PTPRD: variants seen among roughly 807,000 people sequenced by gnomAD.
PTPRD encodes the protein receptor-type tyrosine-protein phosphatase delta.
PTPRD carries 34 observed loss-of-function variants against 214.5 expected under a neutral mutation model. That is an observed-to-expected ratio of 0.16 (90% CI 0.12 to 0.21). The LOEUF (loss-of-function observed/expected upper bound fraction) is 0.21, where lower values mean the gene tolerates loss of function less well. PTPRD is among the 10% of genes least tolerant of loss of function. The probability of loss-of-function intolerance (pLI) is 1.00; values close to 1 mark genes in which losing one functional copy is unlikely to be tolerated. For missense variants in PTPRD, 2,545 were observed against 2,398.7 expected (o/e 1.06, Z -1.27); for synonymous variants, 1,128 against 845.7 (o/e 1.33, Z -5.79).
intron 3 of PTPRD, among the ~76,000 whole-genome samples, chr9:10,053,540 A>T (rs1183888513): frequency 6.6e-6 from 1 of 152,146 alleles, no homozygotes; most frequent in African/African-American, 2.4e-5. Context: ...ATATTCCTAT[A>T]CCTACTATAG....
At chr9:9,845,789 T>C (rs1029205385) in intron 5 of PTPRD, among the ~76,000 whole-genome samples, 1 of 152,042 alleles carries the variant, frequency 6.6e-6, no homozygotes, top group Admixed American at 6.6e-5. Context: ...ATAATGTTAA[T>C]TTTATGGACT....
chr9:8,895,335 A>G (rs1163250824), intron 11 of PTPRD, among the ~76,000 whole-genome samples: 2 of 152,186 alleles, frequency 1.3e-5, no homozygotes, highest in African/African-American at 4.8e-5. Flanking sequence ...TGCCAAAATA[A>G]AAACATAAGT....
At chr9:9,141,369 T>C (rs1436578568) in intron 10 of PTPRD, among the ~76,000 whole-genome samples, 1 of 152,072 alleles carries the variant, frequency 6.6e-6, no homozygotes, top group African/African-American at 2.4e-5. Context: ...GAAAGGTTTC[T>C]TGTTTTAATG....
At chr9:8,641,269 T>C (rs1595882825) in intron 12 of PTPRD, among the ~76,000 whole-genome samples, 1 of 148,170 alleles carries the variant, frequency 6.7e-6, no homozygotes, top group East Asian at 1.9e-4. Context: ...TCCGTTTTTA[T>C]CCCATGAGAT....
At chr9:9,770,566 T>A (rs2098744146) in intron 5 of PTPRD, among the ~76,000 whole-genome samples, 1 of 152,146 alleles carries the variant, frequency 6.6e-6, no homozygotes, top group Non-Finnish European at 1.5e-5. Context: ...AAAGTGAAAT[T>A]TTCCACTATT....
chr9:9,405,224 C>T (rs2072798810), intron 8 of PTPRD, among the ~76,000 whole-genome samples: 1 of 152,124 alleles, frequency 6.6e-6, no homozygotes, highest in African/African-American at 2.4e-5. Context: ...GCAGATACAA[C>T]AAATTTACAA....
intron 4 of PTPRD, among the ~76,000 whole-genome samples, chr9:9,952,746 A>G (rs1294285672): frequency 2.0e-5 from 3 of 152,126 alleles, no homozygotes; most frequent in African/African-American, 7.2e-5. Context: ...CTAGGGTTTA[A>G]ACACTGAAGA....
chr9:9,684,032 C>A (rs2097124509), intron 7 of PTPRD, among the ~76,000 whole-genome samples: 1 of 151,510 alleles, frequency 6.6e-6, no homozygotes, highest in Admixed American at 6.6e-5. Flanking sequence ...ATTATGTAGA[C>A]CTCTAGGGAA....
chr9:10,271,506 T>TAACC (rs1845642762), intron 3 of PTPRD, among the ~76,000 whole-genome samples: 1 of 151,108 alleles, frequency 6.6e-6, no homozygotes, highest in African/African-American at 2.4e-5. Context: ...TAAGCATCAC[T>TAACC]AACCAATACT....
At chr9:9,852,373 C>G (rs1294225933) in intron 5 of PTPRD, among the ~76,000 whole-genome samples, 1 of 151,376 alleles carries the variant, frequency 6.6e-6, no homozygotes, top group Non-Finnish European at 1.5e-5. Flanking sequence ...CGAAAGCTAC[C>G]CAGACATAAA....
intron 9 of PTPRD, among the ~76,000 whole-genome samples, chr9:9,291,629 T>C (rs1374776706): frequency 2.0e-5 from 3 of 151,360 alleles, no homozygotes; most frequent in African/African-American, 7.3e-5. Context: ...ATAAAGTTTA[T>C]ATTGCTTATG....
intron 39 of PTPRD, among the ~76,000 whole-genome samples, chr9:8,347,977 G>A (rs779561239): frequency 2.0e-5 from 3 of 152,210 alleles, no homozygotes; most frequent in East Asian, 1.9e-4. Flanking sequence ...GCAGACTAAC[G>A]CAATACCTAA....
chr9:10,085,002 G>T (rs2098310029), intron 3 of PTPRD, among the ~76,000 whole-genome samples: 1 of 152,022 alleles, frequency 6.6e-6, no homozygotes. Flanking sequence ...GTAGTCCAGA[G>T]AAATAAATAT....
chr9:8,462,162 T>C (rs2096429685), intron 32 of PTPRD, among the ~76,000 whole-genome samples: 1 of 151,996 alleles, frequency 6.6e-6, no homozygotes, highest in South Asian at 2.1e-4. Context: ...ATGAGTTTCT[T>C]AATTTTTCCC....
intron 12 of PTPRD, among the ~76,000 whole-genome samples, chr9:8,704,966 A>G (rs567331948): frequency 3.0e-4 from 45 of 152,110 alleles, no homozygotes; most frequent in South Asian, 1.5e-3. Flanking sequence ...AGAAAGTTCA[A>G]TGGCTCTCAA....
chr9:10,141,418 T>C (rs1489998887), intron 3 of PTPRD, among the ~76,000 whole-genome samples: 1 of 151,972 alleles, frequency 6.6e-6, no homozygotes, highest in Non-Finnish European at 1.5e-5. Context: ...GGATACAAAA[T>C]CAATGTACAA....
At chr9:9,128,424 C>A (rs1016099697) in intron 10 of PTPRD, among the ~76,000 whole-genome samples, 1 of 152,088 alleles carries the variant, frequency 6.6e-6, no homozygotes, top group Non-Finnish European at 1.5e-5. Flanking sequence ...TATGTCAAAA[C>A]CTACATTCTA....
intron 33 of PTPRD, among the ~76,000 whole-genome samples, chr9:8,457,057 T>G (rs2096234297): frequency 2.0e-5 from 3 of 152,346 alleles, no homozygotes; most frequent in South Asian, 2.1e-4. Flanking sequence ...AATTTTTTGT[T>G]GGAGTAGATG....
chr9:10,279,630 T>G, intron 3 of PTPRD, among the ~76,000 whole-genome samples: 1 of 152,016 alleles, frequency 6.6e-6, no homozygotes, highest in Admixed American at 6.6e-5. Flanking sequence ...CTTCATTATG[T>G]GTTCAAAACT....
Sources: allele counts gnomAD v4.1 joint callset (sites outside exome capture counted in the v4.1 genomes callset), GRCh38; gene constraint gnomAD v4.1.1; transcripts MANE v1.5; gene names NCBI Gene and HGNC (gene_info 2026-07-23, HGNC 2026-07-21).